Variants in ZSCAN25 observed in about 807,000 individuals in gnomAD.
ZSCAN25 encodes the protein zinc finger and SCAN domain containing 25.
ZSCAN25 carries 27 observed loss-of-function variants against 38.7 expected under a neutral mutation model. The ratio of observed to expected loss-of-function variants is 0.70; its 90% CI spans 0.51 to 0.96. ZSCAN25 has a LOEUF of 0.96. ZSCAN25 is among the 40% of genes least tolerant of loss of function. The probability of loss-of-function intolerance (pLI) is 0.00; values close to 1 mark genes in which losing one functional copy is unlikely to be tolerated. For missense variants in ZSCAN25, 637 were observed against 705.9 expected, an observed-to-expected ratio of 0.90 and a Z score of 1.11; for synonymous variants, 273 against 277.7, an observed-to-expected ratio of 0.98 and a Z score of 0.17.
At position 99,624,902 on chromosome 7, in the gene ZSCAN25, G is replaced by A. The variant is rs537734828; in HGVS notation, c.805+722G>A. 7.2e-5 allele frequency among the ~76,000 whole-genome samples: 11 copies of A among 152,316 alleles called. No homozygotes were observed. The South Asian group carries it at 1.2e-3, about 17-fold the overall frequency. On this transcript the variant is annotated intron_variant, in intron 7 of 7. Transcript: ENST00000394152. Reference sequence around the variant, plus strand: ...TCTGCATGCGTGGAATCAGGATGCCGGCGGGGAGAGGAAACACTGTGGCTG... The same window carrying A: ...TCTGCATGCGTGGAATCAGGATGCCAGCGGGGAGAGGAAACACTGTGGCTG...
the ZSCAN25 span, among the ~76,000 whole-genome samples, chr7:99,708,870 G>A: frequency 6.6e-6 from 1 of 152,092 alleles, no homozygotes; most frequent in African/African-American, 2.4e-5. Context: ...TATCTAGTCT[G>A]TGGTTTGTAA....
At chr7:99,736,642 G>T in the ZSCAN25 span, among the ~76,000 whole-genome samples, 1 of 152,170 alleles carries the variant, frequency 6.6e-6, no homozygotes, top group Non-Finnish European at 1.5e-5. Context: ...AGAAACAGAT[G>T]ATGTTTAAGC....
At chr7:99,681,204 G>A in the ZSCAN25 span, among the ~76,000 whole-genome samples, 2,582 of 152,260 alleles carry the variant, frequency 0.017, 84 homozygotes, top group African/African-American at 0.057. Flanking sequence ...CCATTCATCT[G>A]TTGATGGACA....
At chr7:99,663,942 G>A in the ZSCAN25 span, 51 of 1,559,286 alleles carry the variant, frequency 3.3e-5, no homozygotes, top group Middle Eastern at 3.7e-4. Flanking sequence ...CCTAAACATC[G>A]TCATTTAACC....
chr7:99,622,498 A>G (rs979887967), intron 5 of ZSCAN25, 51 bp from the exon 6 acceptor site: 5 of 1,565,028 alleles, frequency 3.2e-6, no homozygotes, highest in South Asian at 1.1e-5. Flanking sequence ...AGCTAACAGC[A>G]TAACATCACT....
the ZSCAN25 span, among the ~76,000 whole-genome samples, chr7:99,651,898 G>A: frequency 6.6e-6 from 1 of 152,174 alleles, no homozygotes; most frequent in African/African-American, 2.4e-5. Flanking sequence ...GGACCAGGAG[G>A]ACCTGTGCTG....
chr7:99,667,275 A>AG, the ZSCAN25 span, among the ~76,000 whole-genome samples: 1 of 152,334 alleles, frequency 6.6e-6, no homozygotes, highest in East Asian at 1.9e-4. Context: ...GGGGAGACCC[A>AG]GCCATCTGGT....
the ZSCAN25 span, chr7:99,695,645 A>C: frequency 1.0e-6 from 1 of 989,652 alleles, no homozygotes. Flanking sequence ...TGAAAGTGTA[A>C]AACCTCAGAC....
intron 7 of ZSCAN25, among the ~76,000 whole-genome samples, chr7:99,627,039 A>T (rs143259639): frequency 2.2e-4 from 34 of 152,352 alleles, no homozygotes; most frequent in African/African-American, 7.9e-4. Flanking sequence ...ATTTTCAAAC[A>T]TACAGAAAAG....
the ZSCAN25 span, chr7:99,679,774 T>C: frequency 4.0e-4 from 629 of 1,566,324 alleles, no homozygotes; most frequent in Non-Finnish European, 5.3e-4. Context: ...AGGGGCCCGA[T>C]TAGCACCCCA....
chr7:99,731,683 C>T, the ZSCAN25 span, among the ~76,000 whole-genome samples: 3 of 152,228 alleles, frequency 2.0e-5, no homozygotes, highest in African/African-American at 7.2e-5. Flanking sequence ...TCCCTTCACT[C>T]TAAGCTCTGA....
the ZSCAN25 span, among the ~76,000 whole-genome samples, chr7:99,641,851 G>A: frequency 6.6e-6 from 1 of 152,162 alleles, no homozygotes; most frequent in Non-Finnish European, 1.5e-5. Context: ...CCTAGACTTT[G>A]TCAGCTGTCT....
At chr7:99,713,412 A>G in the ZSCAN25 span, 2 of 1,610,236 alleles carry the variant, frequency 1.2e-6, no homozygotes, top group African/African-American at 2.7e-5. Context: ...CATTTTCAGA[A>G]CAAAACCTTC....
At chr7:99,675,621 CCTTTT>C in the ZSCAN25 span, among the ~76,000 whole-genome samples, 1 of 126,324 alleles carries the variant, frequency 7.9e-6, no homozygotes, top group Non-Finnish European at 1.7e-5. Context: ...TCTCTCCTCT[CCTTTT>C]CTCTCCTCTC....
chr7:99,692,296 A>G, the ZSCAN25 span, among the ~76,000 whole-genome samples: 1 of 152,132 alleles, frequency 6.6e-6, no homozygotes, highest in Non-Finnish European at 1.5e-5. Flanking sequence ...CTTTGTGGGG[A>G]AGCCGACCTT....
chr7:99,708,295 A>G, the ZSCAN25 span, among the ~76,000 whole-genome samples: 8 of 152,206 alleles, frequency 5.3e-5, 1 homozygote, highest in Non-Finnish European at 1.0e-4. Flanking sequence ...ATAAGTGATG[A>G]GAATGACTGA....
the ZSCAN25 span, chr7:99,685,234 A>G: frequency 6.2e-7 from 1 of 1,613,610 alleles, no homozygotes; most frequent in South Asian, 1.1e-5. Flanking sequence ...TTTCAGCGGG[A>G]TCTGCAACAG....
At chr7:99,656,236 T>G in the ZSCAN25 span, among the ~76,000 whole-genome samples, 2 of 152,234 alleles carry the variant, frequency 1.3e-5, no homozygotes, top group Non-Finnish European at 2.9e-5. Context: ...TTTGCTCTTA[T>G]TATTTTGAGA....
At chr7:99,620,077 G>A in intron 4 of ZSCAN25, 84 bp downstream of exon 4, 1 of 1,463,214 alleles carries the variant, frequency 6.8e-7, no homozygotes, top group Non-Finnish European at 9.0e-7. Flanking sequence ...GAAGCAGTAG[G>A]AGTGGACGAG....
Sources: gnomAD v4.1 joint callset for allele counts (sites outside exome capture counted in the v4.1 genomes callset) on GRCh38, gnomAD v4.1.1 for gene constraint, MANE v1.5 for transcripts, NCBI Gene and HGNC (gene_info 2026-07-23, HGNC 2026-07-21) for gene names.